FRMD5: variants seen among roughly 807,000 people sequenced by gnomAD.
FRMD5 encodes FERM domain-containing protein 5.
FRMD5 carries 20 observed loss-of-function variants against 69.0 expected under a neutral mutation model. The observed-to-expected ratio is 0.29, with a 90% CI of 0.20 to 0.42. The LOEUF (loss-of-function observed/expected upper bound fraction) is 0.42. Among genes scored for constraint, FRMD5 ranks in the 10% least tolerant of loss-of-function variants. FRMD5 has a pLI of 1.00. For missense variants in FRMD5, 595 were observed against 708.6 expected (o/e 0.84, Z 1.82); for synonymous variants, 271 against 260.1 (o/e 1.04, Z -0.40).
chr15:43,887,124 G>C (rs572445768), intron 10 of FRMD5, among the ~76,000 whole-genome samples: 54 of 152,342 alleles, frequency 3.5e-4, no homozygotes, highest in Admixed American at 1.6e-3. Context: ...GCTTCTGTTT[G>C]CTTCTTCTCT....
intron 1 of FRMD5, among the ~76,000 whole-genome samples, chr15:44,115,688 A>G (rs561569777): frequency 6.6e-6 from 1 of 152,370 alleles, no homozygotes; most frequent in East Asian, 1.9e-4. Flanking sequence ...AAAGCAAGGA[A>G]GAGTGCTAAG....
intron 1 of FRMD5, among the ~76,000 whole-genome samples, chr15:44,028,921 T>A (rs575251772): frequency 1.3e-5 from 2 of 152,292 alleles, no homozygotes; most frequent in African/African-American, 2.4e-5. Context: ...GGTCTCAGGA[T>A]AAAGGCTGTA....
chr15:44,012,345 T>C (rs1471627625), intron 1 of FRMD5, among the ~76,000 whole-genome samples: 1 of 152,198 alleles, frequency 6.6e-6, no homozygotes, highest in Non-Finnish European at 1.5e-5. Context: ...AGATATTCTT[T>C]TGACACATCT....
At position 44,024,944 on chromosome 15, in the gene FRMD5, T is replaced by C. The variant is rs569640054; in HGVS notation, c.103-100635A>G. On this transcript the variant is annotated intron_variant, in intron 1 of 13. Coordinates refer to ENST00000417257, the MANE Select transcript of FRMD5 (RefSeq NM_032892.5). ...AAGTGAGTAATAGGGGAATGGTTTA[T>C]AGGTATGAGATCTGGAGAGTAACAG... Among the ~76,000 whole-genome samples, 10 of 152,328 alleles carry C rather than the reference T, an allele frequency of 6.6e-5. No individual in the cohort carries two copies. The East Asian group carries it at 1.7e-3, about 26-fold the overall frequency.
At chr15:43,965,332 G>T (rs921362270) in intron 1 of FRMD5, among the ~76,000 whole-genome samples, 2 of 152,148 alleles carry the variant, frequency 1.3e-5, no homozygotes, top group African/African-American at 2.4e-5. Context: ...TTTTACTGAT[G>T]ACGTGTCAGG....
intron 1 of FRMD5, among the ~76,000 whole-genome samples, chr15:43,960,369 C>G (rs2090179221): frequency 6.6e-6 from 1 of 152,262 alleles, no homozygotes; most frequent in African/African-American, 2.4e-5. Context: ...CCTGCCTCAG[C>G]CTCCCGAGTA....
intron 1 of FRMD5, among the ~76,000 whole-genome samples, chr15:44,163,841 T>C (rs936458598): frequency 2.6e-5 from 4 of 152,216 alleles, no homozygotes; most frequent in African/African-American, 9.6e-5. Context: ...CTTCTCTTGC[T>C]ACATGGGGAG....
At chr15:43,952,101 C>G (rs928913094) in intron 1 of FRMD5, among the ~76,000 whole-genome samples, 1 of 151,616 alleles carries the variant, frequency 6.6e-6, no homozygotes, top group African/African-American at 2.4e-5. Context: ...GAACAAGTAG[C>G]TCTCCTAGGA....
At chr15:43,889,126 G>A (rs1376204668) in intron 8 of FRMD5, among the ~76,000 whole-genome samples, 1 of 152,168 alleles carries the variant, frequency 6.6e-6, no homozygotes, top group Non-Finnish European at 1.5e-5. Context: ...ATCAACAGTG[G>A]CTGTAAAAGG....
At chr15:43,998,879 C>T (rs893497076) in intron 1 of FRMD5, among the ~76,000 whole-genome samples, 1 of 152,156 alleles carries the variant, frequency 6.6e-6, no homozygotes, top group African/African-American at 2.4e-5. Flanking sequence ...CTGCTCTCTA[C>T]CATGCAAAAT....
intron 4 of FRMD5, among the ~76,000 whole-genome samples, chr15:43,914,459 T>C (rs1049135127): frequency 1.4e-4 from 22 of 152,318 alleles, no homozygotes; most frequent in African/African-American, 4.1e-4. Context: ...CTAAACATCC[T>C]GTGCCTAGCT....
chr15:43,880,437 C>G (rs191338916), intron 13 of FRMD5, among the ~76,000 whole-genome samples: 304 of 152,246 alleles, frequency 2.0e-3, no homozygotes, highest in Non-Finnish European at 3.0e-3. Flanking sequence ...AAGGCAAGCC[C>G]TCCTCTTGAA....
Position 44,151,741 on chromosome 15 carries a change from A to C in FRMD5, c.102+43212T>G, listed in dbSNP as rs561586596. ...AAAGGCACAAGCAAGGAAAGAAAAA[A>C]AAGTTTGGACTTCATGAAAATTATA... is the stretch of plus-strand genomic sequence containing the variant. On this transcript the variant is annotated intron_variant, in intron 1 of 13. Transcript: ENST00000417257. Among the ~76,000 whole-genome samples the C allele has an allele frequency of 3.3e-5, 5 of 152,344 alleles. No homozygotes were observed. In the South Asian group the frequency reaches 1.0e-3, roughly 32 times the overall value.
chr15:44,081,636 A>G (rs1894000414), intron 1 of FRMD5, among the ~76,000 whole-genome samples: 1 of 152,086 alleles, frequency 6.6e-6, no homozygotes, highest in Admixed American at 6.6e-5. Flanking sequence ...TAATAAAAAG[A>G]ATTATTAATA....
At chr15:43,874,509 T>G (rs370094328) in intron 13 of FRMD5, 47 bp from the exon 14 acceptor site, 26 of 1,468,874 alleles carry the variant, frequency 1.8e-5, no homozygotes, top group South Asian at 1.4e-4. Context: ...CAATGCACCC[T>G]TTGCTTTCCA....
chr15:44,031,843 T>C (rs77077116), intron 1 of FRMD5, among the ~76,000 whole-genome samples: 2,331 of 152,292 alleles, frequency 0.015, 39 homozygotes, highest in Non-Finnish European at 0.021. Flanking sequence ...ACATCTTTCA[T>C]TTTTATCAAA....
At position 44,128,164 on chromosome 15, in the gene FRMD5, C is replaced by T. The variant is rs561062688; in HGVS notation, c.102+66789G>A. 2.6e-5 allele frequency among the ~76,000 whole-genome samples: 4 copies of T among 152,298 alleles called. No individual in the cohort carries two copies. In the South Asian group the frequency reaches 8.3e-4, roughly 32 times the overall value. ...AAGAGCAACTATTTTTATATCCATA[C>T]TATTTAGCACTCATGAGTTAAGAAA... is the stretch of plus-strand genomic sequence containing the variant. On this transcript the variant is annotated intron_variant, in intron 1 of 13. Transcript: ENST00000417257.
At chr15:44,151,570 A>G (rs751169715) in intron 1 of FRMD5, among the ~76,000 whole-genome samples, 3 of 152,130 alleles carry the variant, frequency 2.0e-5, no homozygotes, top group Non-Finnish European at 4.4e-5. Context: ...TAAAAGATTC[A>G]TTGGATGAAA....
At chr15:44,045,807 A>G (rs1892403740) in intron 1 of FRMD5, among the ~76,000 whole-genome samples, 1 of 152,192 alleles carries the variant, frequency 6.6e-6, no homozygotes, top group East Asian at 1.9e-4. Flanking sequence ...TGTATCCTAA[A>G]TATGAGAACA....
Sources: allele counts gnomAD v4.1 joint callset (sites outside exome capture counted in the v4.1 genomes callset), GRCh38; gene constraint gnomAD v4.1.1; transcripts MANE v1.5; gene names NCBI Gene and HGNC (gene_info 2026-07-23, HGNC 2026-07-21).